The following HDGFL2 variants were observed in gnomAD, a reference collection of about 807,000 sequenced individuals.
The protein encoded by HDGFL2 is hepatoma-derived growth factor-related protein 2.
In HDGFL2, 36 loss-of-function variants were observed where a neutral mutation model predicts 77.1. The observed-to-expected ratio is 0.47, with a 90% CI of 0.36 to 0.62. The LOEUF is 0.62. HDGFL2 is among the 20% of genes least tolerant of loss of function. The pLI is 0.00. For missense variants in HDGFL2, 976 were observed against 973.4 expected (o/e 1.00, Z -0.04); for synonymous variants, 463 against 413.1 (o/e 1.12, Z -1.46).
intron 3 of HDGFL2, among the ~76,000 whole-genome samples, chr19:4,479,541 A>G (rs1975159281): frequency 6.7e-6 from 1 of 149,982 alleles, no homozygotes; most frequent in East Asian, 2.0e-4. Context: ...AGCTCCCACC[A>G]CTGCACTCCA....
intron 3 of HDGFL2, among the ~76,000 whole-genome samples, chr19:4,482,026 CTT>C (rs34398630): frequency 5.5e-3 from 395 of 71,570 alleles, no homozygotes; most frequent in African/African-American, 0.022. Context: ...TGGCTTTGGC[CTT>C]TTTTTTTTTT....
At chr19:4,486,559 G>A (rs1975367718) in intron 3 of HDGFL2, among the ~76,000 whole-genome samples, 1 of 150,942 alleles carries the variant, frequency 6.6e-6, no homozygotes, top group South Asian at 2.1e-4. Context: ...CGCAATCTCT[G>A]CCAAGCACGG....
chr19:4,496,184 A>C, intron 9 of HDGFL2, 118 bp from the exon 10 acceptor site: 1 of 810,232 alleles, frequency 1.2e-6, no homozygotes, highest in Non-Finnish European at 2.1e-6. Flanking sequence ...CAGCACCTTC[A>C]AACAGTGTGG....
chr19:4,483,043 C>G (rs1054040452), intron 3 of HDGFL2, among the ~76,000 whole-genome samples: 5 of 152,330 alleles, frequency 3.3e-5, no homozygotes, highest in Middle Eastern at 3.4e-3. Flanking sequence ...TACGCGAGCC[C>G]TTCCCCAAAG....
At chr19:4,492,330 CAT>C (rs1478173856) in intron 6 of HDGFL2, among the ~76,000 whole-genome samples, 20 of 129,302 alleles carry the variant, frequency 1.5e-4, no homozygotes, top group South Asian at 7.0e-4. Context: ...CGTGTGTGCA[CAT>C]GTCGTGCCTG....
intron 14 of HDGFL2, among the ~76,000 whole-genome samples, 154 bp from the exon 15 acceptor site, chr19:4,501,037 T>C (rs980826805): frequency 2.6e-5 from 4 of 152,168 alleles, no homozygotes; most frequent in Non-Finnish European, 5.9e-5. Flanking sequence ...GTCAGGAGCT[T>C]GCAGACTGGA....
intron 3 of HDGFL2, among the ~76,000 whole-genome samples, chr19:4,480,499 AC>A (rs1975186135): frequency 6.6e-6 from 1 of 152,212 alleles, no homozygotes; most frequent in African/African-American, 2.4e-5. Context: ...CAGGTGGATC[AC>A]CTGAGGTCAG....
chr19:4,494,778 C>T (rs781453407), intron 9 of HDGFL2, among the ~76,000 whole-genome samples: 1 of 152,018 alleles, frequency 6.6e-6, no homozygotes, highest in Non-Finnish European at 1.5e-5. Context: ...ATTAGCTGGG[C>T]GTGGTGGTGT....
chr19:4,472,440 AT>A lies in HDGFL2; in HGVS notation c.72+19del. The A allele has an allele frequency of 7.1e-6, 1 of 140,582 alleles. No individual in the cohort carries two copies. The highest frequency in any genetic ancestry group is 1.2e-5 in the Non-Finnish European group (1 of 85,494). 8.7% of individuals were successfully genotyped at this position (140,582 alleles called of 1,614,324 possible). On this transcript the variant is annotated intron_variant, in intron 1 of 15. Transcript: ENST00000616600. ...CTGCCAGGGTGAGGCCGCGCGGGAG[AT>A]GGGGCCGGTGGGGGGGGGGGGGGGG...
At chr19:4,478,770 C>A (rs544891268) in intron 3 of HDGFL2, among the ~76,000 whole-genome samples, 7 of 151,884 alleles carry the variant, frequency 4.6e-5, no homozygotes, top group Middle Eastern at 3.4e-3. Context: ...CAACCTCTGT[C>A]TCCTGGGTTT....
intron 3 of HDGFL2, among the ~76,000 whole-genome samples, chr19:4,479,733 C>G (rs1262964230): frequency 6.6e-6 from 1 of 151,758 alleles, no homozygotes; most frequent in Non-Finnish European, 1.5e-5. Flanking sequence ...ACAGTGAAAC[C>G]CTGCCTCTAC....
At chr19:4,479,313 G>A (rs1304894421) in intron 3 of HDGFL2, among the ~76,000 whole-genome samples, 7 of 151,876 alleles carry the variant, frequency 4.6e-5, no homozygotes, top group East Asian at 1.9e-4. Context: ...GCCGGGTGCC[G>A]TGGCTCATGC....
chr19:4,494,579 G>A (rs1599720247), intron 9 of HDGFL2, 104 bp downstream of exon 9: 2 of 860,432 alleles, frequency 2.3e-6, no homozygotes, highest in Non-Finnish European at 3.1e-6. Flanking sequence ...CATCAAGAAA[G>A]CAGTGCGTGG....
At position 4,491,690 on chromosome 19, in the gene HDGFL2, A is replaced by G. The variant is rs577587417; in HGVS notation, c.606+8A>G. 1.2e-5 allele frequency: 19 copies of G among 1,613,834 alleles called. No homozygotes were observed. The Admixed American group carries it at 3.2e-4, about 27-fold the overall frequency. Reference sequence around the variant, plus strand: ...GAGAAGACCAGCGACCAGGTGGGCCAGTGGCTCCTTGGGATGGCAGGGAAG... The same window carrying G: ...GAGAAGACCAGCGACCAGGTGGGCCGGTGGCTCCTTGGGATGGCAGGGAAG... On this transcript the variant is annotated splice_region_variant and intron_variant, in intron 5 of 15. Coordinates refer to ENST00000616600, the MANE Select transcript of HDGFL2 (RefSeq NM_001001520.3).
rs1260653732 is a variant in HDGFL2, at chr19:4,472,784, A to C, written c.72+362A>C. 3.0e-5 allele frequency among the ~76,000 whole-genome samples: 4 copies of C among 133,636 alleles called. No individual in the cohort carries two copies. In the East Asian group the frequency reaches 9.3e-4, roughly 31 times the overall value. The allele number at this position is 133,636 out of a possible 152,430, so 87.7% of individuals were successfully genotyped here. A position where few individuals can be genotyped will look rare whatever the true frequency, so the allele number is the denominator to read the frequency against. ...TCTGGTGGTGTTCGGATCCTGCAGG[A>C]CCCGCCGTCTGGGCCTGCAGGAGCC... On this transcript the variant is annotated intron_variant, in intron 1 of 15. Coordinates refer to ENST00000616600, the MANE Select transcript of HDGFL2 (RefSeq NM_001001520.3).
At chr19:4,491,960 A>G in intron 6 of HDGFL2, 125 bp downstream of exon 6, 2 of 842,548 alleles carry the variant, frequency 2.4e-6, no homozygotes, top group Non-Finnish European at 3.8e-6. Flanking sequence ...AGGGTACCCG[A>G]GGGGACCGCC....
rs752755702 is a variant in HDGFL2 at position 4,491,571 on chromosome 19, G to C, written c.495G>C (p.Ser165=). The C allele has an allele frequency of 2.5e-6, 4 of 1,613,546 alleles. No homozygotes were observed. The highest frequency in any genetic ancestry group is 1.7e-5 in the Admixed American group (1 of 59,970). The change falls in exon 5 of 16, where the codon TCG becomes TCC. Residue 165 remains serine (S), a synonymous_variant. Coordinates refer to ENST00000616600, the MANE Select transcript of HDGFL2 (RefSeq NM_001001520.3). The part of the protein sequence containing the change: ...LKRKTPALKM[S]VSKRARKASS... ...TCAGGCCGTTCCCCTTCCAGATGTC[G>C]GTCTCGAAACGAGCCCGAAAGGCCT... is the stretch of plus-strand genomic sequence containing the variant.
chr19:4,475,923 T>C (rs1293891895), intron 3 of HDGFL2, among the ~76,000 whole-genome samples: 2 of 150,300 alleles, frequency 1.3e-5, no homozygotes, highest in Admixed American at 6.7e-5. Flanking sequence ...AGAGTCTCGC[T>C]CTGTTGTCCA....
chr19:4,500,700 A>T (rs573644230), intron 14 of HDGFL2, among the ~76,000 whole-genome samples: 1 of 152,034 alleles, frequency 6.6e-6, no homozygotes, highest in Admixed American at 6.5e-5. Context: ...GGACCTCATG[A>T]TCCGCCCTCC....
Sources: allele counts gnomAD v4.1 joint callset (sites outside exome capture counted in the v4.1 genomes callset), GRCh38; gene constraint gnomAD v4.1.1; transcripts MANE v1.5; gene names NCBI Gene and HGNC (gene_info 2026-07-23, HGNC 2026-07-21).